The following CFTR variants were observed in gnomAD, a reference collection of about 807,000 sequenced individuals.
The protein encoded by CFTR is CF transmembrane conductance regulator, also known as cystic fibrosis transmembrane conductance regulator.
In CFTR, 181 loss-of-function variants were observed where a neutral mutation model predicts 171.6. The ratio of observed to expected loss-of-function variants is 1.05; its 90% CI spans 0.93 to 1.19. The LOEUF is 1.19. Among genes scored for constraint, CFTR ranks in the 50% most tolerant of loss-of-function variants. The probability of loss-of-function intolerance (pLI) is 0.00; values close to 1 mark genes in which losing one functional copy is unlikely to be tolerated. For missense variants in CFTR, 1,968 were observed against 1,734.7 expected, an observed-to-expected ratio of 1.13 and a Z score of -2.39; for synonymous variants, 583 against 608.0, an observed-to-expected ratio of 0.96 and a Z score of 0.60.
Position 117,592,506 on chromosome 7 carries a change from G to T in CFTR, c.2339G>T (p.Gly780Val). The change falls in exon 14 of 27, where the codon GGT becomes GTT. Residue 780 changes from glycine to valine, a missense_variant. Transcript: ENST00000003084. ...CTGATGACACACTCAGTTAACCAAGGTCAGAACATTCACCGAAAGACAACA... is the reference window on the plus strand; with the variant it reads ...CTGATGACACACTCAGTTAACCAAGTTCAGAACATTCACCGAAAGACAACA... ...LNLMTHSVNQ[G>V]QNIHRKTTAS... 2 of 1,534,454 alleles carry T rather than the reference G, an allele frequency of 1.3e-6. No homozygotes were observed. The highest frequency in any genetic ancestry group is 1.7e-6 in the Non-Finnish European group (2 of 1,144,446).
chr7:117,486,514 G>A (rs776802328), intron 1 of CFTR, among the ~76,000 whole-genome samples: 2 of 152,068 alleles, frequency 1.3e-5, no homozygotes, highest in Non-Finnish European at 2.9e-5. Context: ...CACACCTAAA[G>A]GAGGTTATTC....
intron 10 of CFTR, among the ~76,000 whole-genome samples, chr7:117,554,510 T>C (rs1476360250): frequency 1.3e-5 from 2 of 152,016 alleles, no homozygotes; most frequent in Admixed American, 6.5e-5. Context: ...CAAATAGAGA[T>C]GTTAGTTGGA....
intron 11 of CFTR, among the ~76,000 whole-genome samples, chr7:117,570,301 T>G (rs1485331606): frequency 6.6e-6 from 1 of 151,722 alleles, no homozygotes; most frequent in Non-Finnish European, 1.5e-5. Flanking sequence ...ACCAGCGAAA[T>G]CCAATTATTT....
At chr7:117,543,493 AC>A (rs1290281806) in intron 9 of CFTR, among the ~76,000 whole-genome samples, 1 of 152,178 alleles carries the variant, frequency 6.6e-6, no homozygotes, top group African/African-American at 2.4e-5. Flanking sequence ...TTGAGCCCTT[AC>A]TATGTGCCAG....
intron 1 of CFTR, among the ~76,000 whole-genome samples, chr7:117,490,266 T>G (rs551637682): frequency 6.0e-5 from 9 of 151,050 alleles, no homozygotes; most frequent in African/African-American, 2.2e-4. Context: ...ATTGAGTATT[T>G]ACTCTGCATA....
intron 11 of CFTR, among the ~76,000 whole-genome samples, chr7:117,566,049 T>A (rs887889074): frequency 6.6e-6 from 1 of 152,158 alleles, no homozygotes; most frequent in African/African-American, 2.4e-5. Flanking sequence ...TAGGAGAATT[T>A]ATGAATGTTC....
At chr7:117,650,678 A>G (rs972956097) in intron 23 of CFTR, among the ~76,000 whole-genome samples, 1 of 152,116 alleles carries the variant, frequency 6.6e-6, no homozygotes, top group Non-Finnish European at 1.5e-5. Context: ...AGTTATAATG[A>G]GGCTGTAGCC....
At chr7:117,505,844 G>A (rs566881535) in intron 2 of CFTR, among the ~76,000 whole-genome samples, 19 of 152,162 alleles carry the variant, frequency 1.2e-4, no homozygotes, top group Non-Finnish European at 2.1e-4. Context: ...TGAAGGCAAA[G>A]TAAGATATTA....
intron 1 of CFTR, among the ~76,000 whole-genome samples, chr7:117,486,898 A>G (rs1217722776): frequency 2.1e-5 from 3 of 142,672 alleles, no homozygotes; most frequent in Non-Finnish European, 4.6e-5. Context: ...GGGGGCGGGG[A>G]GAGAGAGAGA....
At chr7:117,614,561 A>C (rs144776466) in intron 20 of CFTR, 52 bp from the exon 21 acceptor site, 10 of 1,189,200 alleles carry the variant, frequency 8.4e-6, no homozygotes, top group Non-Finnish European at 1.3e-5. Flanking sequence ...AAAGTCGTTC[A>C]CAGAAGAGAG....
Position 117,667,371 on chromosome 7 carries a change from G to T in CFTR, c.*263G>T. On this transcript the variant is annotated 3_prime_UTR_variant, in exon 27 of 27. Coordinates refer to ENST00000003084, the MANE Select transcript of CFTR (RefSeq NM_000492.4). The stretch of plus-strand genomic sequence containing the variant: ...AAGATTTACCACTTGTGTTTTGCAA[G>T]CCAGATTTTCCTGAAAACCCTTGCC... 4.5e-6 allele frequency: 2 copies of T among 442,506 alleles called. No homozygotes were observed. Among genetic ancestry groups the T allele is most frequent in the Non-Finnish European group, 8.4e-6 (2 of 237,836 alleles). The allele number at this position is 442,506 out of a possible 1,614,324, so 27.4% of individuals were successfully genotyped here. A position where few individuals can be genotyped will look rare whatever the true frequency, so the allele number is the denominator to read the frequency against.
At chr7:117,508,846 G>A (rs56045614) in intron 2 of CFTR, among the ~76,000 whole-genome samples, 188 bp from the exon 3 acceptor site, 157 of 152,340 alleles carry the variant, frequency 1.0e-3, no homozygotes, top group South Asian at 1.9e-3. Flanking sequence ...ATATGGCAGA[G>A]CATTGAATTC....
intron 25 of CFTR, 69 bp from the exon 26 acceptor site, chr7:117,665,390 T>C (rs891177594): frequency 1.7e-5 from 15 of 896,372 alleles, no homozygotes; most frequent in Non-Finnish European, 2.6e-5. Context: ...ACAATAGACA[T>C]ATTATCAAGG....
chr7:117,617,575 T>G (rs1172134742), intron 21 of CFTR, among the ~76,000 whole-genome samples: 1 of 151,980 alleles, frequency 6.6e-6, no homozygotes, highest in African/African-American at 2.4e-5. Context: ...TTATTATATC[T>G]TTTTTTAAAA....
intron 21 of CFTR, among the ~76,000 whole-genome samples, chr7:117,623,704 A>C (rs1455199781): frequency 6.6e-6 from 1 of 152,166 alleles, no homozygotes; most frequent in East Asian, 1.9e-4. Flanking sequence ...CAGCACTGTC[A>C]TTCTTACTGC....
intron 3 of CFTR, among the ~76,000 whole-genome samples, chr7:117,527,939 C>T (rs998483593): frequency 1.3e-5 from 1 of 77,498 alleles, no homozygotes; most frequent in Admixed American, 1.7e-4. Flanking sequence ...GCCATACTGC[C>T]CAAGGTAATT....
intron 2 of CFTR, among the ~76,000 whole-genome samples, chr7:117,507,422 A>G (rs1798438115): frequency 6.6e-6 from 1 of 152,218 alleles, no homozygotes; most frequent in Admixed American, 6.5e-5. Context: ...TATGAAATAT[A>G]ACAACACCTT....
At chr7:117,660,292 T>A (rs1414594618) in intron 24 of CFTR, among the ~76,000 whole-genome samples, 1 of 152,148 alleles carries the variant, frequency 6.6e-6, no homozygotes, top group African/African-American at 2.4e-5. Flanking sequence ...AAGTTTGTAC[T>A]TTTTTTAATT....
rs148125611 is a variant in CFTR at position 117,609,454 on chromosome 7, C to A, written c.2989-1065C>A. Among the ~76,000 whole-genome samples, 959 of 151,944 alleles carry A rather than the reference C, an allele frequency of 6.3e-3. 8 individuals carry two copies. Among genetic ancestry groups the A allele is most frequent in the African/African-American group, 0.022 (920 of 41,452 alleles). ...ATATTATAAAGTGGTTTTTTTTAAT[C>A]CTTTCTGCAGACAGTTACTTTATAC... On this transcript the variant is annotated intron_variant, in intron 18 of 26. Transcript: ENST00000003084.
Sources: allele counts gnomAD v4.1 joint callset (sites outside exome capture counted in the v4.1 genomes callset), GRCh38; gene constraint gnomAD v4.1.1; transcripts MANE v1.5; gene names NCBI Gene and HGNC (gene_info 2026-07-23, HGNC 2026-07-21).